The following COLEC12 variants were observed in gnomAD, a reference collection of about 807,000 sequenced individuals.
COLEC12 encodes collectin-12.
COLEC12 carries 33 observed loss-of-function variants against 71.1 expected under a neutral mutation model. The ratio of observed to expected loss-of-function variants is 0.46; its 90% CI spans 0.35 to 0.62. The LOEUF (loss-of-function observed/expected upper bound fraction) is 0.62, where lower values mean the gene tolerates loss of function less well. Among genes scored for constraint, COLEC12 ranks in the 20% least tolerant of loss-of-function variants. The pLI is 0.00. For synonymous variants in COLEC12, 350 were observed against 353.0 expected (o/e 0.99, Z 0.10); for missense variants, 765 against 916.1 (o/e 0.84, Z 2.13).
intron 2 of COLEC12, among the ~76,000 whole-genome samples, chr18:363,255 T>G (rs1402776018): frequency 6.6e-6 from 1 of 152,142 alleles, no homozygotes; most frequent in East Asian, 1.9e-4. Flanking sequence ...TCTCCTTCAC[T>G]CTCATATTTT....
At chr18:467,007 G>A (rs958344756) in intron 2 of COLEC12, among the ~76,000 whole-genome samples, 11 of 152,078 alleles carry the variant, frequency 7.2e-5, no homozygotes, top group South Asian at 2.1e-4. Flanking sequence ...CAAGTAGTCA[G>A]TAAGGAAAAG....
chr18:471,174 C>T (rs370939338), intron 2 of COLEC12, among the ~76,000 whole-genome samples: 49 of 152,230 alleles, frequency 3.2e-4, no homozygotes, highest in Middle Eastern at 3.4e-3. Flanking sequence ...GTGTCAATCA[C>T]GGCCAAATGT....
At chr18:486,580 G>A (rs764887080) in intron 1 of COLEC12, among the ~76,000 whole-genome samples, 17 of 152,218 alleles carry the variant, frequency 1.1e-4, no homozygotes, top group Non-Finnish European at 2.4e-4. Context: ...TGAGTGGCCA[G>A]ATCAAGAGGA....
chr18:452,420 T>C (rs550424197), intron 2 of COLEC12, among the ~76,000 whole-genome samples: 65 of 152,302 alleles, frequency 4.3e-4, no homozygotes, highest in African/African-American at 1.4e-3. Context: ...GTGCCTGGCA[T>C]ATGGTAAGCT....
At chr18:419,299 G>A (rs1023648953) in intron 2 of COLEC12, among the ~76,000 whole-genome samples, 1 of 152,118 alleles carries the variant, frequency 6.6e-6, no homozygotes, top group Non-Finnish European at 1.5e-5. Flanking sequence ...TATGCCTCCT[G>A]GGTTCAAGCA....
chr18:341,134 A>T (rs1256779585), intron 5 of COLEC12, among the ~76,000 whole-genome samples: 1 of 152,184 alleles, frequency 6.6e-6, no homozygotes, highest in Non-Finnish European at 1.5e-5. Context: ...GTCAATCCCT[A>T]TTGAAACTTT....
chr18:334,655 T>C, intron 6 of COLEC12, 87 bp downstream of exon 6: 1 of 1,194,650 alleles, frequency 8.4e-7, no homozygotes. Context: ...AAAAATAACA[T>C]GGGTGGGGCC....
At chr18:403,548 G>A (rs1296140457) in intron 2 of COLEC12, among the ~76,000 whole-genome samples, 4 of 152,126 alleles carry the variant, frequency 2.6e-5, no homozygotes, top group Admixed American at 6.5e-5. Flanking sequence ...CGTGTGTTTT[G>A]CTGGTGGCTT....
intron 2 of COLEC12, among the ~76,000 whole-genome samples, chr18:409,861 G>C (rs2143633425): frequency 6.6e-6 from 1 of 152,304 alleles, no homozygotes; most frequent in Non-Finnish European, 1.5e-5. Context: ...CCTAGGCACA[G>C]ATAAGCACAA....
At chr18:340,616 A>G (rs983731017) in intron 5 of COLEC12, among the ~76,000 whole-genome samples, 8 of 152,224 alleles carry the variant, frequency 5.3e-5, no homozygotes, top group Non-Finnish European at 1.2e-4. Context: ...AAAGGAAGAG[A>G]AACCACTTTA....
At chr18:416,687 C>G (rs565921207) in intron 2 of COLEC12, among the ~76,000 whole-genome samples, 1 of 152,298 alleles carries the variant, frequency 6.6e-6, no homozygotes, top group East Asian at 1.9e-4. Flanking sequence ...AAACACTGTT[C>G]AGATCCTTCC....
chr18:325,917 G>A (rs1181597657), intron 8 of COLEC12, among the ~76,000 whole-genome samples: 8 of 151,942 alleles, frequency 5.3e-5, no homozygotes, highest in African/African-American at 1.7e-4. Context: ...TCCCGCCTTC[G>A]CCTCCCAAAG....
At chr18:404,725 C>A (rs149543559) in intron 2 of COLEC12, among the ~76,000 whole-genome samples, 2,855 of 152,266 alleles carry the variant, frequency 0.019, 94 homozygotes, top group African/African-American at 0.064. Context: ...ATGTACGTCA[C>A]CTCAAGACCA....
At chr18:433,596 G>T (rs1287767812) in intron 2 of COLEC12, among the ~76,000 whole-genome samples, 1 of 152,146 alleles carries the variant, frequency 6.6e-6, no homozygotes, top group African/African-American at 2.4e-5. Flanking sequence ...TCCAGGAGTT[G>T]TTTCTCACAG....
chr18:437,788 CT>C (rs1916436317), intron 2 of COLEC12, among the ~76,000 whole-genome samples: 1 of 152,198 alleles, frequency 6.6e-6, no homozygotes, highest in Non-Finnish European at 1.5e-5. Context: ...CCAGGTGCCA[CT>C]TTTCTTCGAA....
At chr18:459,695 A>G (rs1916940385) in intron 2 of COLEC12, among the ~76,000 whole-genome samples, 1 of 152,184 alleles carries the variant, frequency 6.6e-6, no homozygotes, top group Admixed American at 6.5e-5. Context: ...AGAAGCTTCA[A>G]TGGTGGAAGC....
intron 2 of COLEC12, among the ~76,000 whole-genome samples, chr18:397,854 C>G (rs779813503): frequency 6.6e-6 from 1 of 152,166 alleles, no homozygotes; most frequent in African/African-American, 2.4e-5. Context: ...GGGTTAAAAT[C>G]GTGTCACCCA....
At chr18:412,363 G>C (rs1425011764) in intron 2 of COLEC12, among the ~76,000 whole-genome samples, 1 of 151,536 alleles carries the variant, frequency 6.6e-6, no homozygotes, top group African/African-American at 2.4e-5. Context: ...CCTATATCCA[G>C]CAAAAATATC....
Position 393,510 on chromosome 18 carries a change from C to G in COLEC12, c.59-35988G>C, listed in dbSNP as rs369085846. On this transcript the variant is annotated intron_variant, in intron 2 of 9. Transcript: ENST00000400256. ...CAACTGTACATAAACTGTATATAAA[C>G]AAGCCACTCTCTACCATGAATCTAT... 2.6e-5 allele frequency among the ~76,000 whole-genome samples: 4 copies of G among 151,842 alleles called. No individual in the cohort carries two copies. The East Asian group carries it at 7.7e-4, about 29-fold the overall frequency.
Sources: allele counts gnomAD v4.1 joint callset (sites outside exome capture counted in the v4.1 genomes callset), GRCh38; gene constraint gnomAD v4.1.1; transcripts MANE v1.5; gene names NCBI Gene and HGNC (gene_info 2026-07-23, HGNC 2026-07-21).